H6PD: variants seen among roughly 807,000 people sequenced by gnomAD.
The protein encoded by H6PD is hexose-6-phosphate dehydrogenase/glucose 1-dehydrogenase.
Under a neutral mutation model 61.2 loss-of-function variants are expected in H6PD, and 48 were observed. The ratio of observed to expected loss-of-function variants is 0.78; its 90% CI spans 0.62 to 1.00. The LOEUF (loss-of-function observed/expected upper bound fraction) is 1.00, where lower values mean the gene tolerates loss of function less well. Ranked by LOEUF, H6PD falls within the 50% of genes least tolerant of loss-of-function variation. The pLI is 0.00. For missense variants in H6PD, 1,093 were observed against 1,065.0 expected (o/e 1.03, Z -0.37); for synonymous variants, 480 against 457.9 (o/e 1.05, Z -0.62).
chr1:9,242,826 A>G (rs962482958), intron 1 of H6PD: 52 of 985,352 alleles, frequency 5.3e-5, no homozygotes, highest in Non-Finnish European at 6.3e-5. Flanking sequence ...TCTGGGCTTC[A>G]GATTTCTTGC....
At chr1:9,251,804 TG>T (rs1482799249) in intron 3 of H6PD, among the ~76,000 whole-genome samples, 1 of 152,020 alleles carries the variant, frequency 6.6e-6, no homozygotes, top group African/African-American at 2.4e-5. Flanking sequence ...GTGCTCTCCT[TG>T]GCCCTCACCT....
Position 9,234,778 on chromosome 1 carries a change from T to A in H6PD, c.-299T>A, listed in dbSNP as rs1358479364. Reference sequence around the variant, plus strand: ...CGCGCCCCCGGCCCGGGCCCCAGTCTTGCTGAGCGCAAGGCGGTGGAGGCC... The same window carrying A: ...CGCGCCCCCGGCCCGGGCCCCAGTCATGCTGAGCGCAAGGCGGTGGAGGCC... On this transcript the variant is annotated 5_prime_UTR_variant, in exon 1 of 5. The change creates a new upstream start codon in the 5' untranslated region. Transcript: ENST00000377403. The A allele has an allele frequency of 6.9e-6, 1 of 144,550 alleles. No homozygotes were observed. The highest frequency in any genetic ancestry group is 1.5e-5 in the Non-Finnish European group (1 of 65,450). The allele number at this position is 144,550 out of a possible 1,614,324, so 9.0% of individuals were successfully genotyped here.
chr1:9,243,992 G>C (rs1034507631), intron 1 of H6PD, among the ~76,000 whole-genome samples: 5 of 152,174 alleles, frequency 3.3e-5, no homozygotes, highest in Non-Finnish European at 7.3e-5. Flanking sequence ...CAGCTCCCCT[G>C]CTTTCTTACC....
intron 3 of H6PD, among the ~76,000 whole-genome samples, chr1:9,259,307 G>A (rs1310005157): frequency 6.6e-6 from 1 of 152,216 alleles, no homozygotes; most frequent in Admixed American, 6.5e-5. Flanking sequence ...TTGTTATGTT[G>A]CTGTTGTTAC....
At chr1:9,248,918 T>C (rs1294009) in intron 3 of H6PD, among the ~76,000 whole-genome samples, 6,736 of 152,308 alleles carry the variant, frequency 0.044, 224 homozygotes, top group Middle Eastern at 0.11. Context: ...CCCCCGTGCC[T>C]GTCTGTGCCT....
intron 3 of H6PD, among the ~76,000 whole-genome samples, chr1:9,259,382 GTGT>G (rs1641639745): frequency 6.6e-6 from 1 of 152,158 alleles, no homozygotes; most frequent in Non-Finnish European, 1.5e-5. Context: ...CGCCAGTGTT[GTGT>G]TGTTGTTACA....
At chr1:9,260,258 CTGTTA>C (rs1169203470) in intron 3 of H6PD, among the ~76,000 whole-genome samples, 3 of 148,482 alleles carry the variant, frequency 2.0e-5, no homozygotes, top group Admixed American at 2.0e-4. Flanking sequence ...TACACCAGTG[CTGTTA>C]TGTTGTCGTT....
Position 9,269,529 on chromosome 1 carries a change from T to C in H6PD, c.*4660T>C, listed in dbSNP as rs970273089. On this transcript the variant is annotated 3_prime_UTR_variant, in exon 5 of 5. Coordinates refer to ENST00000377403, the MANE Select transcript of H6PD (RefSeq NM_004285.4). The surrounding 1 kb of genome is among the most constrained non-coding windows in gnomAD (Gnocchi z 4.3). ...TGGAAGTGCAGATTTATTCCTGTAA[T>C]AATCCTGCCTGCTTTTACCTCTCGT... 6.6e-6 allele frequency: 1 copy of C among 152,256 alleles called. No individual in the cohort carries two copies. The highest frequency in any genetic ancestry group is 2.4e-5 in the African/African-American group (1 of 41,456). 9.4% of individuals were successfully genotyped at this position (152,256 alleles called of 1,614,324 possible).
At position 9,263,888 on chromosome 1, in the gene H6PD, C is replaced by A. The variant is rs768360216; in HGVS notation, c.1395C>A (p.Ile465=). The A allele has an allele frequency of 1.2e-6, 2 of 1,614,180 alleles. No individual in the cohort carries two copies. ...RDAHSVLLSH[I]FHGRKNFFIT... ...CCCACTCCGTCCTCTTATCCCATATCTTCCATGGCCGGAAGAATTTCTTCA... is the reference window on the plus strand; with the variant it reads ...CCCACTCCGTCCTCTTATCCCATATATTCCATGGCCGGAAGAATTTCTTCA... Residue 465 remains isoleucine, a synonymous_variant, in exon 5 of 5, where the codon ATC becomes ATA. Transcript: ENST00000377403.
At chr1:9,248,238 G>A (rs962488681) in intron 3 of H6PD, among the ~76,000 whole-genome samples, 2 of 152,258 alleles carry the variant, frequency 1.3e-5, no homozygotes, top group African/African-American at 4.8e-5. Context: ...TGGACCCAGG[G>A]ATGGGCCAGG....
chr1:9,257,108 AT>A (rs772337795), intron 3 of H6PD, among the ~76,000 whole-genome samples: 11 of 149,784 alleles, frequency 7.3e-5, no homozygotes, highest in Non-Finnish European at 1.5e-4. Flanking sequence ...AGTTCTGTTT[AT>A]TTTGGTCACT....
intron 3 of H6PD, among the ~76,000 whole-genome samples, chr1:9,256,454 T>A (rs564747263): frequency 6.6e-6 from 1 of 152,266 alleles, no homozygotes. Flanking sequence ...GGTGCTGCTG[T>A]CGGGAATGGC....
Position 9,269,096 on chromosome 1 carries a change from A to G in H6PD, c.*4227A>G, listed in dbSNP as rs1638665753. The G allele has an allele frequency of 1.3e-5, 2 of 152,152 alleles. No homozygotes were observed. The highest frequency in any genetic ancestry group is 1.3e-4 in the Admixed American group (2 of 15,278). The allele number at this position is 152,152 out of a possible 1,614,324, so 9.4% of individuals were successfully genotyped here. On this transcript the variant is annotated 3_prime_UTR_variant, in exon 5 of 5. Coordinates refer to ENST00000377403, the MANE Select transcript of H6PD (RefSeq NM_004285.4). This position sits in a 1 kb window ranked among gnomAD's most constrained non-coding sequence, Gnocchi z 4.3. The stretch of plus-strand genomic sequence containing the variant: ...ATCTCAGTGTCAGAGTGAGCACGGC[A>G]CAGGAAAGGCCCGTGGTGACGAGGG...
rs1244183818 is a variant in H6PD, at chr1:9,234,982, G to C, written c.-95G>C. 2 of 148,162 alleles carry C rather than the reference G, an allele frequency of 1.3e-5. No homozygotes were observed. Among genetic ancestry groups the C allele is most frequent in the Admixed American group, 1.3e-4 (2 of 14,858 alleles). 9.2% of individuals were successfully genotyped at this position (148,162 alleles called of 1,614,324 possible). On this transcript the variant is annotated 5_prime_UTR_variant, in exon 1 of 5. Coordinates refer to ENST00000377403, the MANE Select transcript of H6PD (RefSeq NM_004285.4). ...AAGAGGAGGTGCGGCCCAGGGCGCA[G>C]GGGAGCCCTCGGGAGCGGGCCCGGC... is the stretch of plus-strand genomic sequence containing the variant.
intron 3 of H6PD, among the ~76,000 whole-genome samples, chr1:9,247,672 CGCCTCTCCCGCACT>C (rs1350532176): frequency 6.6e-6 from 1 of 152,148 alleles, no homozygotes; most frequent in Non-Finnish European, 1.5e-5. Context: ...AGGAGGACAC[CGCCTCTCCCGCACT>C]GCCACACACC....
At position 9,259,961 on chromosome 1, in the gene H6PD, G is replaced by GT. The variant is rs553310066; in HGVS notation, c.746-2096dup. On this transcript the variant is annotated intron_variant, in intron 3 of 4. Coordinates refer to ENST00000377403, the MANE Select transcript of H6PD (RefSeq NM_004285.4). Reference sequence around the variant, plus strand: ...ATGCTGGTGGTGTTATGTTGCTGTTGTTACTCTGCTGTTATGTTGTTGTTA... The same window carrying GT: ...ATGCTGGTGGTGTTATGTTGCTGTTGTTTACTCTGCTGTTATGTTGTTGTTA... 3.6e-4 allele frequency among the ~76,000 whole-genome samples: 54 copies of GT among 151,872 alleles called. No homozygotes were observed. The South Asian group carries it at 8.1e-3, about 23-fold the overall frequency.
At position 9,270,097 on chromosome 1, in the gene H6PD, C is replaced by T. The variant is rs1389688755; in HGVS notation, c.*5228C>T. 2 of 152,622 alleles carry T rather than the reference C, an allele frequency of 1.3e-5. No individual in the cohort carries two copies. Among genetic ancestry groups the T allele is most frequent in the Non-Finnish European group, 2.9e-5 (2 of 68,038 alleles). The allele number at this position is 152,622 out of a possible 1,614,324, so 9.5% of individuals were successfully genotyped here. A position where few individuals can be genotyped will look rare whatever the true frequency, so the allele number is the denominator to read the frequency against. Reference sequence around the variant, plus strand: ...TGGGAGCGCTTCTGTTTGCAAAGCGCTGGGGATGTGCCTGTCTCTGTGTGA... The same window carrying T: ...TGGGAGCGCTTCTGTTTGCAAAGCGTTGGGGATGTGCCTGTCTCTGTGTGA... On this transcript the variant is annotated 3_prime_UTR_variant, in exon 5 of 5. Transcript: ENST00000377403.
At chr1:9,250,991 G>A (rs1410359607) in intron 3 of H6PD, among the ~76,000 whole-genome samples, 3 of 152,168 alleles carry the variant, frequency 2.0e-5, no homozygotes, top group African/African-American at 4.8e-5. Flanking sequence ...AAAGGAAGAC[G>A]CGATCTGGTT....
At chr1:9,261,556 G>A (rs1327767273) in intron 3 of H6PD, among the ~76,000 whole-genome samples, 3 of 152,176 alleles carry the variant, frequency 2.0e-5, no homozygotes, top group Admixed American at 6.5e-5. Context: ...GTGTGCGCCC[G>A]GTAGTGAGGT....
Sources: gnomAD v4.1 joint callset for allele counts (sites outside exome capture counted in the v4.1 genomes callset) on GRCh38, gnomAD v4.1.1 for gene constraint, Gnocchi (gnomAD v3.1) non-coding constraint, MANE v1.5 for transcripts, NCBI Gene and HGNC (gene_info 2026-07-23, HGNC 2026-07-21) for gene names.